The following MYPOP variants were observed in gnomAD, a reference collection of about 807,000 sequenced individuals.
The protein encoded by MYPOP is Myb related transcription factor, partner of profilin.
A neutral mutation model predicts 25.7 loss-of-function variants in MYPOP; 21 were observed. That is an observed-to-expected ratio of 0.82 (90% CI 0.58 to 1.18). MYPOP has a LOEUF of 1.18. MYPOP is among the 50% of genes most tolerant of loss of function. The pLI is 0.00. For missense variants in MYPOP, 566 were observed against 588.3 expected (o/e 0.96, Z 0.39); for synonymous variants, 280 against 247.9 (o/e 1.13, Z -1.22).
At chr19:45,895,825 G>C (rs191360299) in intron 2 of MYPOP, among the ~76,000 whole-genome samples, 2 of 152,160 alleles carry the variant, frequency 1.3e-5, no homozygotes, top group Admixed American at 1.3e-4. Context: ...TCGTTCCCTG[G>C]GCCAGGCTCA....
chr19:45,901,868 C>T lies in MYPOP; in HGVS notation c.-52-43G>A, dbSNP rs959771610. ...ACGGGGCTGGCTGGGGTTCGGGGTCCCCCCGCCGCCGCCTCTCCCAGACCG... is the reference window on the plus strand; with the variant it reads ...ACGGGGCTGGCTGGGGTTCGGGGTCTCCCCGCCGCCGCCTCTCCCAGACCG... On this transcript the variant is annotated intron_variant, in intron 1 of 2. Transcript: ENST00000322217. This position sits in a 1 kb window ranked among gnomAD's most constrained non-coding sequence, Gnocchi z 5.7. The T allele has an allele frequency of 1.9e-6, 2 of 1,042,358 alleles. No individual in the cohort carries two copies. Among genetic ancestry groups the T allele is most frequent in the Non-Finnish European group, 2.5e-6 (2 of 814,274 alleles). 64.6% of individuals were successfully genotyped at this position (1,042,358 alleles called of 1,614,324 possible).
intron 2 of MYPOP, among the ~76,000 whole-genome samples, chr19:45,898,172 G>A (rs570019194): frequency 2.0e-5 from 3 of 151,078 alleles, no homozygotes; most frequent in South Asian, 2.1e-4. Context: ...TGATCCGCCC[G>A]CCTTGGCCTC....
chr19:45,890,495 AG>A lies in MYPOP; in HGVS notation c.*127del, dbSNP rs1360481850. ...CAGAGAATCAGGCACTAACTAGCAC[AG>A]GGAGTGGGTGCTCACATCCCTGGAG... On this transcript the variant is annotated 3_prime_UTR_variant, in exon 3 of 3. Coordinates refer to ENST00000322217, the MANE Select transcript of MYPOP (RefSeq NM_001012643.4). 1.4e-6 allele frequency: 2 copies of A among 1,452,338 alleles called. No homozygotes were observed. Among genetic ancestry groups the A allele is most frequent in the East Asian group, 4.9e-5 (2 of 40,438 alleles). 90.0% of individuals were successfully genotyped at this position (1,452,338 alleles called of 1,614,324 possible).
chr19:45,896,205 C>T (rs896595245), intron 2 of MYPOP, among the ~76,000 whole-genome samples: 4 of 152,136 alleles, frequency 2.6e-5, no homozygotes, highest in African/African-American at 7.2e-5. Flanking sequence ...GCACAAGAAT[C>T]GCTTGAACCC....
chr19:45,890,684 G>A lies in MYPOP; in HGVS notation c.1139C>T (p.Pro380Leu), dbSNP rs748302851. 8 of 1,603,394 alleles carry A rather than the reference G, an allele frequency of 5.0e-6. No individual in the cohort carries two copies. The highest frequency in any genetic ancestry group is 2.7e-5 in the African/African-American group (2 of 74,388). The change falls in exon 3 of 3, where the codon CCA becomes CTA. Residue 380 changes from proline (P) to leucine (L), a missense_variant. Pro to Leu is a moderately conservative substitution (Grantham distance 98). Coordinates refer to ENST00000322217, the MANE Select transcript of MYPOP (RefSeq NM_001012643.4). Reference sequence around the variant, plus strand: ...AGGGAAACCTTTTCTCCGCTTGTGTGGGGGGGAGTCGTGCGGAGGGAGCGG... The same window carrying A: ...AGGGAAACCTTTTCTCCGCTTGTGTAGGGGGGAGTCGTGCGGAGGGAGCGG... ...PAPLPPHDSP[P>L]HKRRKGFPTR...
At chr19:45,898,969 G>A (rs1967247530) in intron 2 of MYPOP, among the ~76,000 whole-genome samples, 1 of 152,226 alleles carries the variant, frequency 6.6e-6, no homozygotes, top group South Asian at 2.1e-4. Flanking sequence ...GCTCACGCCT[G>A]TAATCCCAGC....
chr19:45,890,318 G>A lies in MYPOP; in HGVS notation c.*305C>T. 1 of 305,128 alleles carries A rather than the reference G, an allele frequency of 3.3e-6. No homozygotes were observed. The highest frequency in any genetic ancestry group is 6.1e-6 in the Non-Finnish European group (1 of 164,532). The allele number at this position is 305,128 out of a possible 1,614,324, so 18.9% of individuals were successfully genotyped here. On this transcript the variant is annotated 3_prime_UTR_variant, in exon 3 of 3. Transcript: ENST00000322217. ...GGAACTGTTAGGGAAGGGGAGATGT[G>A]CAGACCCGAGAGGTTCCCTCCCCAC...
rs1967303320 is a variant in MYPOP at position 45,901,886 on chromosome 19, C to T, written c.-52-61G>A. 1 of 911,692 alleles carries T rather than the reference C, an allele frequency of 1.1e-6. No homozygotes were observed. The highest frequency in any genetic ancestry group is 1.4e-6 in the Non-Finnish European group (1 of 697,408). The allele number at this position is 911,692 out of a possible 1,614,324, so 56.5% of individuals were successfully genotyped here. A position where few individuals can be genotyped will look rare whatever the true frequency, so the allele number is the denominator to read the frequency against. ...CGGGGTCCCCCCGCCGCCGCCTCTC[C>T]CAGACCGCCGGGCCGAGAGCTCCTT... On this transcript the variant is annotated intron_variant, in intron 1 of 2. Transcript: ENST00000322217. The surrounding 1 kb of genome is among the most constrained non-coding windows in gnomAD (Gnocchi z 5.7).
chr19:45,900,479 C>A (rs1349151892), intron 2 of MYPOP, among the ~76,000 whole-genome samples: 1 of 137,156 alleles, frequency 7.3e-6, no homozygotes, highest in Non-Finnish European at 1.6e-5. Context: ...CAGAAACCCT[C>A]TCTGGGCTCC....
At chr19:45,896,618 CTTTTT>C (rs760658668) in intron 2 of MYPOP, among the ~76,000 whole-genome samples, 1 of 134,780 alleles carries the variant, frequency 7.4e-6, no homozygotes, top group Non-Finnish European at 1.6e-5. Flanking sequence ...AGAGTCCATT[CTTTTT>C]TTTTTTTTTT....
At chr19:45,898,153 A>C (rs1967234017) in intron 2 of MYPOP, among the ~76,000 whole-genome samples, 1 of 149,430 alleles carries the variant, frequency 6.7e-6, no homozygotes, top group Non-Finnish European at 1.5e-5. Context: ...TTGAACTCCT[A>C]ACCTCAGGTG....
chr19:45,890,430 A>C lies in MYPOP; in HGVS notation c.*193T>G. The C allele has an allele frequency of 2.5e-6, 2 of 814,528 alleles. No homozygotes were observed. Among genetic ancestry groups the C allele is most frequent in the Admixed American group, 6.7e-5 (2 of 29,976 alleles). The allele number at this position is 814,528 out of a possible 1,614,324, so 50.5% of individuals were successfully genotyped here. ...GCAGCCAGGCAGACAGCACTGTACC[A>C]GAGAAAGGGGTTGGGGGGGCCCATT... is the stretch of plus-strand genomic sequence containing the variant. On this transcript the variant is annotated 3_prime_UTR_variant, in exon 3 of 3. Coordinates refer to ENST00000322217, the MANE Select transcript of MYPOP (RefSeq NM_001012643.4).
At chr19:45,892,820 C>T (rs1341451677) in intron 2 of MYPOP, among the ~76,000 whole-genome samples, 1 of 152,202 alleles carries the variant, frequency 6.6e-6, no homozygotes, top group African/African-American at 2.4e-5. Flanking sequence ...CAGTCATCGC[C>T]TCCCTGAGGG....
chr19:45,899,167 G>C (rs574929763), intron 2 of MYPOP, among the ~76,000 whole-genome samples: 1 of 152,068 alleles, frequency 6.6e-6, no homozygotes, highest in African/African-American at 2.4e-5. Context: ...CGGAGGTTGC[G>C]GTGAGCCGAG....
intron 2 of MYPOP, among the ~76,000 whole-genome samples, chr19:45,892,076 C>G (rs1279610302): frequency 1.3e-5 from 2 of 151,988 alleles, no homozygotes; most frequent in Non-Finnish European, 2.9e-5. Context: ...GGCGCCACCC[C>G]GCCTGGCTAA....
chr19:45,898,018 G>T (rs1404469610), intron 2 of MYPOP, among the ~76,000 whole-genome samples: 3 of 152,016 alleles, frequency 2.0e-5, no homozygotes, highest in Admixed American at 2.0e-4. Flanking sequence ...CCACCTCCCA[G>T]GTTCAAGTGA....
At position 45,901,182 on chromosome 19, in the gene MYPOP, G is replaced by T; in HGVS notation, c.499+93C>A. On this transcript the variant is annotated intron_variant, in intron 2 of 2. Coordinates refer to ENST00000322217, the MANE Select transcript of MYPOP (RefSeq NM_001012643.4). This position sits in a 1 kb window ranked among gnomAD's most constrained non-coding sequence, Gnocchi z 5.7. ...TAGCTATAAAATGGGGCGAAGGACA[G>T]CATCCACCTCACAGGGCTGCAGCAA... The T allele has an allele frequency of 8.4e-7, 1 of 1,197,256 alleles. No individual in the cohort carries two copies. The highest frequency in any genetic ancestry group is 1.1e-6 in the Non-Finnish European group (1 of 915,608). The allele number at this position is 1,197,256 out of a possible 1,614,324, so 74.2% of individuals were successfully genotyped here.
Position 45,901,795 on chromosome 19 carries a change from C to G in MYPOP, c.-22G>C, listed in dbSNP as rs758219313. 1.4e-6 allele frequency: 2 copies of G among 1,391,486 alleles called. No homozygotes were observed. Among genetic ancestry groups the G allele is most frequent in the African/African-American group, 3.1e-5 (2 of 65,458 alleles). 86.2% of individuals were successfully genotyped at this position (1,391,486 alleles called of 1,614,324 possible). On this transcript the variant is annotated 5_prime_UTR_variant, in exon 2 of 3. Coordinates refer to ENST00000322217, the MANE Select transcript of MYPOP (RefSeq NM_001012643.4). This position sits in a 1 kb window ranked among gnomAD's most constrained non-coding sequence, Gnocchi z 5.7. ...CCATGGCGCCCCCCGACGCCGCCGT[C>G]CTGCCGTCTGGCGCATGGGGGGCGC... is the stretch of plus-strand genomic sequence containing the variant.
At chr19:45,902,222 AG>A (rs1006940222) in intron 1 of MYPOP, among the ~76,000 whole-genome samples, 29 of 94,392 alleles carry the variant, frequency 3.1e-4, no homozygotes, top group Admixed American at 1.6e-4. Flanking sequence ...GAGATGCGGA[AG>A]GGGGGATGCA....
Sources: gnomAD v4.1 joint callset for allele counts (sites outside exome capture counted in the v4.1 genomes callset) on GRCh38, gnomAD v4.1.1 for gene constraint, Gnocchi (gnomAD v3.1) non-coding constraint, MANE v1.5 for transcripts, NCBI Gene and HGNC (gene_info 2026-07-23, HGNC 2026-07-21) for gene names.